The following HAPLN2 variants were observed in gnomAD, a reference collection of about 807,000 sequenced individuals.
HAPLN2 encodes the protein brain link protein-1.
In HAPLN2, 27 loss-of-function variants were observed where a neutral mutation model predicts 29.3. That is an observed-to-expected ratio of 0.92 (90% CI 0.68 to 1.27). The LOEUF is 1.27. Ranked by LOEUF, HAPLN2 falls within the 50% of genes most tolerant of loss-of-function variation. The probability of loss-of-function intolerance (pLI) is 0.00; values close to 1 mark genes in which losing one functional copy is unlikely to be tolerated. For missense variants in HAPLN2, 454 were observed against 484.3 expected, an observed-to-expected ratio of 0.94 and a Z score of 0.59; for synonymous variants, 208 against 211.7, an observed-to-expected ratio of 0.98 and a Z score of 0.15.
chr1:156,618,972 C>T (rs1315456433), upstream of HAPLN2, among the ~76,000 whole-genome samples: 1 of 151,984 alleles, frequency 6.6e-6, no homozygotes, highest in Non-Finnish European at 1.5e-5. Flanking sequence ...CAGAAATTCT[C>T]ATGTTCCTCC....
chr1:156,603,527 GTACATA>G, the HAPLN2 span, among the ~76,000 whole-genome samples: 3 of 149,520 alleles, frequency 2.0e-5, no homozygotes, highest in Non-Finnish European at 3.0e-5. Context: ...GTGTATGTAT[GTACATA>G]TACATATACA....
Position 156,624,530 on chromosome 1 carries a change from G to A in HAPLN2, c.556+63G>A, listed in dbSNP as rs567774452. 2.6e-5 allele frequency: 42 copies of A among 1,602,680 alleles called. No homozygotes were observed. In the African/African-American group the frequency reaches 5.2e-4, roughly 20 times the overall value. On this transcript the variant is annotated intron_variant, in intron 5 of 6. Transcript: ENST00000255039. The stretch of plus-strand genomic sequence containing the variant: ...AGCTGTCTCAGGGGCCCGAGAGAGG[G>A]CGCCAGGCGAGCTCAGTCTGGCTCC...
intron 2 of HAPLN2, among the ~76,000 whole-genome samples, chr1:156,620,625 A>G (rs897747050): frequency 5.9e-5 from 9 of 152,128 alleles, no homozygotes; most frequent in African/African-American, 2.2e-4. Context: ...GAAGTTTTCT[A>G]TGCATAACCT....
chr1:156,602,241 C>T, the HAPLN2 span, among the ~76,000 whole-genome samples: 3 of 152,136 alleles, frequency 2.0e-5, 1 homozygote, highest in South Asian at 6.2e-4. Context: ...TGACCGGCCT[C>T]ATCAAACACT....
At chr1:156,603,001 A>G in the HAPLN2 span, among the ~76,000 whole-genome samples, 1 of 151,934 alleles carries the variant, frequency 6.6e-6, no homozygotes, top group Non-Finnish European at 1.5e-5. Flanking sequence ...CATCCCCATA[A>G]TTTTTTCCAT....
At chr1:156,611,962 A>G in the HAPLN2 span, among the ~76,000 whole-genome samples, 1 of 152,222 alleles carries the variant, frequency 6.6e-6, no homozygotes, top group Non-Finnish European at 1.5e-5. Flanking sequence ...ACTTGCAGAA[A>G]TTGGAAGAAA....
rs1678407005 is a variant in HAPLN2, at chr1:156,625,171, C to T, written c.810C>T (p.Ala270=). The change falls in exon 7 of 7, where the codon GCC becomes GCT. Residue 270 remains alanine, a synonymous_variant. Coordinates refer to ENST00000255039, the MANE Select transcript of HAPLN2 (RefSeq NM_021817.3). The surrounding 1 kb of genome is among the most constrained non-coding windows in gnomAD (Gnocchi z 5.7). ...ACGCGGCGTGCCGGCGACGCGGCGC[C>T]GTGGTGGCCAAGGTTGGGCACCTCT... is the stretch of plus-strand genomic sequence containing the variant. ...EAHAACRRRG[A]VVAKVGHLYA... 1.3e-6 allele frequency: 2 copies of T among 1,546,370 alleles called. No homozygotes were observed. The highest frequency in any genetic ancestry group is 8.7e-7 in the Non-Finnish European group (1 of 1,147,306).
chr1:156,608,801 T>C, the HAPLN2 span, among the ~76,000 whole-genome samples: 2 of 152,158 alleles, frequency 1.3e-5, no homozygotes, highest in African/African-American at 2.4e-5. Flanking sequence ...CTCTTTCTTT[T>C]GCAGTGCTTG....
Position 156,625,711 on chromosome 1 carries a change from A to C in HAPLN2, c.*327A>C. ...TGACCTCTGAGTACAGCAATAAAATAACCTGGGGATCTTTTGTGTTGGGTG... is the reference window on the plus strand; with the variant it reads ...TGACCTCTGAGTACAGCAATAAAATCACCTGGGGATCTTTTGTGTTGGGTG... On this transcript the variant is annotated 3_prime_UTR_variant, in exon 7 of 7. Transcript: ENST00000255039. This position sits in a 1 kb window ranked among gnomAD's most constrained non-coding sequence, Gnocchi z 5.7. The C allele has an allele frequency of 3.5e-6, 1 of 284,518 alleles. No homozygotes were observed. 17.6% of individuals were successfully genotyped at this position (284,518 alleles called of 1,614,324 possible).
rs1202814026 is a variant in HAPLN2, at chr1:156,624,780, G to A, written c.736G>A (p.Ala246Thr). The stretch of plus-strand genomic sequence containing the variant: ...CGCCTTCTGCTTCACCTCCGCGCTG[G>A]CGGGTGAGGCGCGGGACGAAGGCAG... ...YDAFCFTSAL[A>T]GQVFFVPGRL... is the part of the protein sequence containing the mutation. Residue 246 changes from alanine to threonine, a missense_variant, in exon 6 of 7, where the codon GCG becomes ACG. Ala to Thr is a moderately conservative substitution (Grantham distance 58). This residue lies in a region of HAPLN2 where 235 missense variants were observed against 236.9 expected (regional missense o/e 0.99). Coordinates refer to ENST00000255039, the MANE Select transcript of HAPLN2 (RefSeq NM_021817.3). The A allele has an allele frequency of 4.7e-6, 7 of 1,498,376 alleles. No homozygotes were observed. The highest frequency in any genetic ancestry group is 4.5e-5 in the Admixed American group (2 of 44,286). The allele number at this position is 1,498,376 out of a possible 1,614,324, so 92.8% of individuals were successfully genotyped here.
chr1:156,623,482 C>T lies in HAPLN2; in HGVS notation c.-9C>T, dbSNP rs1238712631. ...TGCCCTGCAGACGGTGCCGGGCTGA[C>T]CCCCCATCATGCCAGGCTGGCTCAC... On this transcript the variant is annotated 5_prime_UTR_variant, in exon 3 of 7. Transcript: ENST00000255039. 1 of 1,613,582 alleles carries T rather than the reference C, an allele frequency of 6.2e-7. No individual in the cohort carries two copies. The highest frequency in any genetic ancestry group is 1.7e-5 in the Admixed American group (1 of 60,014).
chr1:156,625,125 G>A lies in HAPLN2; in HGVS notation c.764G>A (p.Arg255Gln). 6.5e-7 allele frequency: 1 copy of A among 1,540,040 alleles called. No individual in the cohort carries two copies. Among genetic ancestry groups the A allele is most frequent in the Non-Finnish European group, 8.7e-7 (1 of 1,146,608 alleles). The change falls in exon 7 of 7, where the codon CGG becomes CAG. Residue 255 changes from arginine to glutamine, a missense_variant. Physicochemically the swap from Arg to Gln is conservative, Grantham distance 43 (BLOSUM62 1). Transcript: ENST00000255039. This position sits in a 1 kb window ranked among gnomAD's most constrained non-coding sequence, Gnocchi z 5.7. ...LAGQVFFVPG[R>Q]LTLSEAHAAC... The stretch of plus-strand genomic sequence containing the variant: ...GGCCAAGTGTTCTTCGTGCCCGGGC[G>A]GCTGACGCTGTCTGAAGCCCACGCG...
chr1:156,614,636 A>G (rs1031491292), upstream of HAPLN2: 1 of 152,202 alleles, frequency 6.6e-6, no homozygotes, highest in African/African-American at 2.4e-5. Context: ...GAATCTGTAC[A>G]AACTGAAGCC....
At chr1:156,614,228 C>CT in the HAPLN2 span, among the ~76,000 whole-genome samples, 3,084 of 143,640 alleles carry the variant, frequency 0.021, 106 homozygotes, top group African/African-American at 0.068. Flanking sequence ...TTGGGGTTCA[C>CT]TTTTTTTTTT....
the HAPLN2 span, among the ~76,000 whole-genome samples, chr1:156,609,726 CAAAT>C: frequency 1.3e-5 from 2 of 151,974 alleles, no homozygotes; most frequent in African/African-American, 4.8e-5. Flanking sequence ...CATACGGACA[CAAAT>C]AAAGGAACAA....
the HAPLN2 span, among the ~76,000 whole-genome samples, chr1:156,604,410 C>T: frequency 6.6e-6 from 1 of 151,972 alleles, no homozygotes. Flanking sequence ...CTGCCTCAGC[C>T]ACCTGAGTAG....
upstream of HAPLN2, among the ~76,000 whole-genome samples, chr1:156,617,342 G>T (rs1271029663): frequency 6.7e-6 from 1 of 148,346 alleles, no homozygotes; most frequent in Non-Finnish European, 1.5e-5. Context: ...GTTCTGAAAG[G>T]GTATGGTTCT....
In HAPLN2 at chr1:156,624,256, C is replaced by T. The variant is rs1030136819; in HGVS notation, c.440-95C>T. On this transcript the variant is annotated intron_variant, in intron 4 of 6. Transcript: ENST00000255039. ...CCTTCCCAGTATCTCCTCCGCACCCCTGGGGACCCCAGCTCCCTCTCCCAG... is the reference window on the plus strand; with the variant it reads ...CCTTCCCAGTATCTCCTCCGCACCCTTGGGGACCCCAGCTCCCTCTCCCAG... The T allele has an allele frequency of 2.7e-6, 4 of 1,506,454 alleles. No homozygotes were observed. In the African/African-American group the frequency reaches 5.5e-5, roughly 21 times the overall value. 93.3% of individuals were successfully genotyped at this position (1,506,454 alleles called of 1,614,324 possible).
At position 156,624,683 on chromosome 1, in the gene HAPLN2, C is replaced by T. The variant is rs2102533613; in HGVS notation, c.639C>T (p.Ala213=). 6.2e-7 allele frequency: 1 copy of T among 1,603,536 alleles called. No individual in the cohort carries two copies. ...SVRYPVLTAR[A]PCGGRGRPGI... The stretch of plus-strand genomic sequence containing the variant: ...GCTACCCTGTGCTCACCGCACGCGC[C>T]CCGTGCGGCGGCCGAGGCCGGCCCG... The change falls in exon 6 of 7, where the codon GCC becomes GCT. Residue 213 remains alanine (A), a synonymous_variant. Coordinates refer to ENST00000255039, the MANE Select transcript of HAPLN2 (RefSeq NM_021817.3).
Sources: allele counts gnomAD v4.1 joint callset (sites outside exome capture counted in the v4.1 genomes callset), GRCh38; gene constraint gnomAD v4.1.1; regional missense constraint gnomAD v4.1.1; non-coding constraint Gnocchi (gnomAD v3.1); transcripts MANE v1.5; gene names NCBI Gene and HGNC (gene_info 2026-07-23, HGNC 2026-07-21).